The following DNAI4 variants were observed in gnomAD, a reference collection of about 807,000 sequenced individuals.
DNAI4 encodes dynein axonemal intermediate chain 4.
In DNAI4, 85 loss-of-function variants were observed where a neutral mutation model predicts 105.8. The observed-to-expected ratio is 0.80, with a 90% CI of 0.67 to 0.96. DNAI4 has a LOEUF of 0.96. Ranked by LOEUF, DNAI4 falls within the 40% of genes least tolerant of loss-of-function variation. The pLI is 0.00. For missense variants in DNAI4, 1,014 were observed against 1,005.6 expected (o/e 1.01, Z -0.11); for synonymous variants, 352 against 331.5 (o/e 1.06, Z -0.67).
At chr1:66,871,112 C>A in intron 6 of DNAI4, 1 of 386,664 alleles carries the variant, frequency 2.6e-6, no homozygotes, top group Non-Finnish European at 4.5e-6. Flanking sequence ...TTTATATAAA[C>A]GTTTAAAGAG....
Position 66,835,832 on chromosome 1 carries a change from GAATA to G in DNAI4, c.1582-59_1582-56del. The G allele has an allele frequency of 2.0e-6, 3 of 1,512,596 alleles. No homozygotes were observed. In the South Asian group the frequency reaches 3.4e-5, roughly 17 times the overall value. 93.7% of individuals were successfully genotyped at this position (1,512,596 alleles called of 1,614,324 possible). ...TGTTTTTGTAGACCACAGTAAGGCA[GAATA>G]TAATGGTGGCTGAGATTTAGTTTGG... On this transcript the variant is annotated intron_variant, in intron 10 of 16. Transcript: ENST00000371026.
intron 4 of DNAI4, among the ~76,000 whole-genome samples, chr1:66,875,550 T>C (rs1410056037): frequency 6.6e-6 from 1 of 152,128 alleles, no homozygotes; most frequent in Non-Finnish European, 1.5e-5. Context: ...TGATCCAAGG[T>C]CCTTGGAAAA....
At chr1:66,892,358 A>G (rs1011909833) in intron 3 of DNAI4, among the ~76,000 whole-genome samples, 2 of 152,158 alleles carry the variant, frequency 1.3e-5, no homozygotes, top group African/African-American at 4.8e-5. Context: ...ATGGGAGAGG[A>G]GGGGAAAAAA....
At chr1:66,855,896 G>A (rs192243019) in intron 7 of DNAI4, among the ~76,000 whole-genome samples, 11 of 152,150 alleles carry the variant, frequency 7.2e-5, no homozygotes, top group East Asian at 5.9e-4. Context: ...GTGTGATGGC[G>A]CAATCTGGGC....
Position 66,827,890 on chromosome 1 carries a change from A to T in DNAI4, c.2034T>A (p.Ala678=). 2 of 1,605,110 alleles carry T rather than the reference A, an allele frequency of 1.2e-6. No individual in the cohort carries two copies. Among genetic ancestry groups the T allele is most frequent in the Non-Finnish European group, 1.7e-6 (2 of 1,175,784 alleles). Residue 678 remains alanine (A), a synonymous_variant, in exon 14 of 17, where the codon GCT becomes GCA. Transcript: ENST00000371026. ...FHPKDTNIYL[A]GTEEGHIHKC... is the part of the protein sequence containing the mutation. ...TGTGAATATGACCTTCTTCAGTGCC[A>T]GCCAAATAGATATTTGTGTCCTACA...
intron 1 of DNAI4, among the ~76,000 whole-genome samples, chr1:66,916,796 T>C (rs561835379): frequency 9.9e-5 from 15 of 152,168 alleles, no homozygotes; most frequent in Admixed American, 2.6e-4. Context: ...GTTTATAAAA[T>C]TTTGAAAAAT....
At chr1:66,852,726 T>C (rs1646422555) in intron 7 of DNAI4, among the ~76,000 whole-genome samples, 2 of 152,132 alleles carry the variant, frequency 1.3e-5, no homozygotes, top group African/African-American at 2.4e-5. Context: ...GACAGAATGA[T>C]TGTGTCCCTA....
In DNAI4 at chr1:66,921,779, T is replaced by C. The variant is rs144784880; in HGVS notation, c.170+2883A>G. On this transcript the variant is annotated intron_variant, in intron 1 of 16. Transcript: ENST00000371026. ...ATTCAGCAAATATTTATTCAGCACC[T>C]TCTTCAATCTAGGCAATGGATACAG... 3.7e-3 allele frequency among the ~76,000 whole-genome samples: 561 copies of C among 152,348 alleles called. 3 individuals are homozygous for C. Among genetic ancestry groups the C allele is most frequent in the African/African-American group, 0.012 (517 of 41,578 alleles).
chr1:66,888,719 A>C (rs1053231417), intron 4 of DNAI4, among the ~76,000 whole-genome samples: 2 of 152,076 alleles, frequency 1.3e-5, no homozygotes, highest in Admixed American at 6.5e-5. Context: ...AAAACAAAAA[A>C]ATTCACCAGC....
intron 4 of DNAI4, among the ~76,000 whole-genome samples, chr1:66,879,666 C>T (rs1335409459): frequency 6.6e-6 from 1 of 152,186 alleles, no homozygotes; most frequent in Non-Finnish European, 1.5e-5. Flanking sequence ...ATGAGAGTTC[C>T]TATTTCTCCA....
chr1:66,923,138 T>G (rs1433748724), intron 1 of DNAI4, among the ~76,000 whole-genome samples: 2 of 152,240 alleles, frequency 1.3e-5, no homozygotes, highest in Non-Finnish European at 2.9e-5. Context: ...CTTAGCATTG[T>G]GTTACAATTG....
intron 4 of DNAI4, among the ~76,000 whole-genome samples, chr1:66,889,376 C>A (rs1345978831): frequency 2.0e-5 from 3 of 151,880 alleles, no homozygotes. Flanking sequence ...CCAGAGTGAG[C>A]TAGAGAAGAT....
At chr1:66,869,307 A>G (rs904424922) in intron 6 of DNAI4, among the ~76,000 whole-genome samples, 1 of 151,958 alleles carries the variant, frequency 6.6e-6, no homozygotes, top group Admixed American at 6.5e-5. Context: ...TAATTCTATT[A>G]CTTCTTGGGG....
At chr1:66,905,849 TA>T (rs1292121609) in intron 1 of DNAI4, among the ~76,000 whole-genome samples, 1 of 151,868 alleles carries the variant, frequency 6.6e-6, no homozygotes, top group Non-Finnish European at 1.5e-5. Context: ...TGCAGTTACA[TA>T]GGCAGATTTA....
rs868285003 is a variant in DNAI4, at chr1:66,822,482, C to T, written c.2375G>A (p.Gly792Glu). ...AAAGAGAATGGTTGTGAACTTGATTCCAGGGTTAGCAGTATTCACAATCAG... is the reference window on the plus strand; with the variant it reads ...AAAGAGAATGGTTGTGAACTTGATTTCAGGGTTAGCAGTATTCACAATCAG... ...DPLIVNTANP[G>E]IKFTTILFAK... is the part of the protein sequence containing the mutation. The change falls in exon 16 of 17, where the codon GGA becomes GAA. Residue 792 changes from glycine (G) to glutamate (E), a missense_variant. Physicochemically the swap from Gly to Glu is moderately conservative, Grantham distance 98. Coordinates refer to ENST00000371026, the MANE Select transcript of DNAI4 (RefSeq NM_024763.5). The T allele has an allele frequency of 3.1e-6, 5 of 1,612,102 alleles. No homozygotes were observed. Among genetic ancestry groups the T allele is most frequent in the Non-Finnish European group, 4.2e-6 (5 of 1,179,170 alleles).
intron 8 of DNAI4, among the ~76,000 whole-genome samples, chr1:66,842,524 G>T (rs948507884): frequency 2.0e-5 from 3 of 152,042 alleles, no homozygotes; most frequent in African/African-American, 7.2e-5. Context: ...ATAAGTAGCT[G>T]GGACTACAGG....
chr1:66,872,252 G>A (rs1488521494), intron 5 of DNAI4, among the ~76,000 whole-genome samples: 4 of 144,106 alleles, frequency 2.8e-5, no homozygotes, highest in Non-Finnish European at 4.6e-5. Context: ...TTATTGAGAC[G>A]GAGTCTTGCT....
At chr1:66,836,199 A>AGAAAGAAG (rs1285226955) in intron 10 of DNAI4, among the ~76,000 whole-genome samples, 1 of 44,636 alleles carries the variant, frequency 2.2e-5, no homozygotes, top group Non-Finnish European at 5.8e-5. Flanking sequence ...AAAGAAAGAA[A>AGAAAGAAG]GAAAGAAAGA....
chr1:66,872,919 G>A (rs573874247), intron 5 of DNAI4, among the ~76,000 whole-genome samples: 1 of 151,564 alleles, frequency 6.6e-6, no homozygotes, highest in South Asian at 2.1e-4. Flanking sequence ...CATCATGTTG[G>A]CCAGGCTGGT....
Sources: allele counts gnomAD v4.1 joint callset (sites outside exome capture counted in the v4.1 genomes callset), GRCh38; gene constraint gnomAD v4.1.1; transcripts MANE v1.5; gene names NCBI Gene and HGNC (gene_info 2026-07-23, HGNC 2026-07-21).